KANK2: variants seen among roughly 807,000 people sequenced by gnomAD.
KANK2 encodes the protein KN motif and ankyrin repeat domains 2.
In KANK2, 41 loss-of-function variants were observed where a neutral mutation model predicts 74.6. The observed-to-expected ratio is 0.55, with a 90% CI of 0.43 to 0.71. The LOEUF is 0.71. Among genes scored for constraint, KANK2 ranks in the 30% least tolerant of loss-of-function variants. The pLI, the probability that KANK2 is intolerant of heterozygous loss-of-function variation, is 0.00. For synonymous variants in KANK2, 537 were observed against 519.0 expected (o/e 1.03, Z -0.47); for missense variants, 1,148 against 1,196.4 (o/e 0.96, Z 0.60).
At chr19:11,178,849 T>TA (rs2078429884) in intron 4 of KANK2, 129 bp from the exon 5 acceptor site, 2 of 791,448 alleles carry the variant, frequency 2.5e-6, no homozygotes, top group Admixed American at 3.9e-5. Flanking sequence ...CCAGTCTTCC[T>TA]GCCCCTTGGA....
At position 11,193,107 on chromosome 19, in the gene KANK2, C is replaced by G; in HGVS notation, c.973G>C (p.Val325Leu). 1 of 1,605,690 alleles carries G rather than the reference C, an allele frequency of 6.2e-7. No homozygotes were observed. Among genetic ancestry groups the G allele is most frequent in the Non-Finnish European group, 8.5e-7 (1 of 1,175,758 alleles). The part of the protein sequence containing the change: ...PQAWPPPDSP[V>L]RVDTVRVVEG... ...ACCACCCGGACTGTATCCACGCGGACCGGGCTGTCCGGCGGTGGCCAGGCC... is the reference window on the plus strand; with the variant it reads ...ACCACCCGGACTGTATCCACGCGGAGCGGGCTGTCCGGCGGTGGCCAGGCC... Residue 325 changes from valine to leucine, a missense_variant, in exon 4 of 13, where the codon GTC becomes CTC. By Grantham distance (32) the Val-to-Leu change is conservative. Coordinates refer to ENST00000586659, the MANE Select transcript of KANK2 (RefSeq NM_001136191.3). This position sits in a 1 kb window ranked among gnomAD's most constrained non-coding sequence, Gnocchi z 9.6.
rs886708476 is a variant in KANK2, at chr19:11,171,128, G to T, written c.2212-880C>A. ...TAAAAGGGTTAATTCTGGGCACTGT[G>T]GCTTACGCCTGTAATCCTGGCACTT... On this transcript the variant is annotated intron_variant, in intron 10 of 12. Transcript: ENST00000586659. Among the ~76,000 whole-genome samples, 9 of 152,322 alleles carry T rather than the reference G, an allele frequency of 5.9e-5. No individual in the cohort carries two copies. The East Asian group carries it at 1.7e-3, about 29-fold the overall frequency.
In KANK2 at chr19:11,166,628, G is replaced by A. The variant is rs1333882003; in HGVS notation, c.2503-17C>T. 2 of 1,613,726 alleles carry A rather than the reference G, an allele frequency of 1.2e-6. No individual in the cohort carries two copies. On this transcript the variant is annotated splice_polypyrimidine_tract_variant and intron_variant, in intron 12 of 12. Coordinates refer to ENST00000586659, the MANE Select transcript of KANK2 (RefSeq NM_001136191.3). ...TGGGGCAAACTGAAACAGAGAAGCA[G>A]AATTCTTTTTGTTTGGGATCCTTTC...
In KANK2 at chr19:11,192,983, G is replaced by A. The variant is rs2078897160; in HGVS notation, c.1097C>T (p.Ala366Val). 15 of 1,614,006 alleles carry A rather than the reference G, an allele frequency of 9.3e-6. No homozygotes were observed. Among genetic ancestry groups the A allele is most frequent in the Non-Finnish European group, 1.3e-5 (15 of 1,179,976 alleles). The change falls in exon 4 of 13, where the codon GCC becomes GTC. Residue 366 changes from alanine to valine, a missense_variant. Coordinates refer to ENST00000586659, the MANE Select transcript of KANK2 (RefSeq NM_001136191.3). ...SLEPYGTGLR[A>V]LAMPGRPESP... is the part of the protein sequence containing the mutation. ...CTCAGGCCTACCAGGCATTGCCAGGGCCCTCAGCCCTGTGCCGTAAGGCTC... is the reference window on the plus strand; with the variant it reads ...CTCAGGCCTACCAGGCATTGCCAGGACCCTCAGCCCTGTGCCGTAAGGCTC...
intron 2 of KANK2, 86 bp from the exon 3 acceptor site, chr19:11,194,676 C>G (rs1258165174): frequency 5.0e-6 from 3 of 597,614 alleles, no homozygotes; most frequent in Non-Finnish European, 9.2e-6. Context: ...ACAGCTGGTT[C>G]ACCCAGCCCC....
rs769161842 is a variant in KANK2, at chr19:11,174,596, G to A, written c.1945C>T (p.Arg649Trp). 3.1e-5 allele frequency: 50 copies of A among 1,612,896 alleles called. No individual in the cohort carries two copies. The highest frequency in any genetic ancestry group is 3.7e-5 in the Non-Finnish European group (44 of 1,179,768). Residue 649 changes from arginine (R) to tryptophan (W), a missense_variant, in exon 9 of 13, where the codon CGG becomes TGG. Transcript: ENST00000586659. ...TCCAGCAGCCGCGCAGACATGGCCC[G>A]GAACGTGACCAGGTGCCGCCGCACC... ...ELVRRHLVTF[R>W]AMSARLLDYV...
At chr19:11,184,425 G>A (rs1411266891) in intron 4 of KANK2, among the ~76,000 whole-genome samples, 2 of 150,122 alleles carry the variant, frequency 1.3e-5, no homozygotes, top group African/African-American at 4.9e-5. Context: ...CCTCATGGGT[G>A]CGGTGGGGGA....
chr19:11,192,749 C>T (rs12151035), intron 4 of KANK2, 82 bp downstream of exon 4: 1 of 1,544,466 alleles, frequency 6.5e-7, no homozygotes, highest in East Asian at 2.3e-5. Flanking sequence ...CCCTGGCGTT[C>T]TGAGAGTCCA....
At chr19:11,191,418 C>A (rs1366444595) in intron 4 of KANK2, among the ~76,000 whole-genome samples, 1 of 152,364 alleles carries the variant, frequency 6.6e-6, no homozygotes, top group East Asian at 1.9e-4. Flanking sequence ...TTCTGCACAG[C>A]CGGCATCCCC....
intron 2 of KANK2, 119 bp from the exon 3 acceptor site, chr19:11,194,709 T>A: frequency 1.9e-6 from 1 of 517,778 alleles, no homozygotes; most frequent in Non-Finnish European, 3.5e-6. Flanking sequence ...TGGGACCCAC[T>A]CATAGACGCA....
chr19:11,172,717 T>C (rs187214924), intron 10 of KANK2, among the ~76,000 whole-genome samples: 132 of 152,222 alleles, frequency 8.7e-4, no homozygotes, highest in African/African-American at 2.9e-3. Flanking sequence ...GCCATTTCAG[T>C]CCCCAGTTTT....
intron 4 of KANK2, 52 bp downstream of exon 4, chr19:11,192,779 A>AGTG: frequency 6.5e-7 from 1 of 1,547,582 alleles, no homozygotes; most frequent in Non-Finnish European, 8.7e-7. Flanking sequence ...ATGGGAAGAA[A>AGTG]GAGGCCCCCC....
chr19:11,183,655 A>AT (rs374907585), intron 4 of KANK2, among the ~76,000 whole-genome samples: 413 of 144,914 alleles, frequency 2.8e-3, no homozygotes, highest in African/African-American at 6.8e-3. Flanking sequence ...TGCCCAGCTA[A>AT]TTTTTTTTTT....
chr19:11,172,269 G>A (rs552848826), intron 10 of KANK2, among the ~76,000 whole-genome samples: 14 of 152,104 alleles, frequency 9.2e-5, no homozygotes, highest in African/African-American at 2.2e-4. Flanking sequence ...GAGCCATGGC[G>A]CCTGGCCTTA....
intron 10 of KANK2, among the ~76,000 whole-genome samples, chr19:11,171,130 C>T (rs2078162365): frequency 6.6e-6 from 1 of 152,230 alleles, no homozygotes; most frequent in African/African-American, 2.4e-5. Flanking sequence ...GGCACTGTGG[C>T]TTACGCCTGT....
At chr19:11,180,583 C>G (rs1336468743) in intron 4 of KANK2, among the ~76,000 whole-genome samples, 3 of 152,120 alleles carry the variant, frequency 2.0e-5, no homozygotes, top group African/African-American at 7.2e-5. Flanking sequence ...CCAGCTCATA[C>G]CACAGAAAAC....
rs1323384073 is a variant in KANK2, at chr19:11,170,561, T to A, written c.2212-313A>T. ...GGTGTTGGTTGCACAACAGGGTGAA[T>A]GTATTTCATGCCAGTAGTGCTTTTG... On this transcript the variant is annotated intron_variant, in intron 10 of 12. Transcript: ENST00000586659. The surrounding 1 kb of genome is among the most constrained non-coding windows in gnomAD (Gnocchi z 5.2). The A allele has an allele frequency of 2.2e-6, 1 of 454,678 alleles. No homozygotes were observed. The highest frequency in any genetic ancestry group is 2.0e-5 in the African/African-American group (1 of 50,894). The allele number at this position is 454,678 out of a possible 1,614,324, so 28.2% of individuals were successfully genotyped here.
rs979819301 is a variant in KANK2, at chr19:11,195,800, C to A, written c.-258G>T. ...CCCTGTCTTTCCACGTCTCTGTCTT[C>A]GCTTCTCTGTCTTTCAACACCTGGA... On this transcript the variant is annotated 5_prime_UTR_variant, in exon 2 of 13. Transcript: ENST00000586659. 1 of 152,310 alleles carries A rather than the reference C, an allele frequency of 6.6e-6. No individual in the cohort carries two copies. The highest frequency in any genetic ancestry group is 2.4e-5 in the African/African-American group (1 of 41,414). The allele number at this position is 152,310 out of a possible 1,614,324, so 9.4% of individuals were successfully genotyped here.
intron 10 of KANK2, 94 bp downstream of exon 10, chr19:11,172,887 G>T (rs2078216742): frequency 1.5e-6 from 2 of 1,372,874 alleles, no homozygotes; most frequent in East Asian, 2.3e-5. Context: ...CAGGGCTCTG[G>T]AGTTAGACCA....
Sources: gnomAD v4.1 joint callset for allele counts (sites outside exome capture counted in the v4.1 genomes callset) on GRCh38, gnomAD v4.1.1 for gene constraint, Gnocchi (gnomAD v3.1) non-coding constraint, MANE v1.5 for transcripts, NCBI Gene and HGNC (gene_info 2026-07-23, HGNC 2026-07-21) for gene names.